Variants in ACBD6 observed in about 807,000 individuals in gnomAD.
ACBD6 encodes acyl-CoA binding domain containing 6, also known as acyl-CoA-binding domain-containing protein 6.
In ACBD6, 28 loss-of-function variants were observed where a neutral mutation model predicts 37.2. That is an observed-to-expected ratio of 0.75 (90% CI 0.56 to 1.03). The LOEUF (loss-of-function observed/expected upper bound fraction) is 1.03. Among genes scored for constraint, ACBD6 ranks in the 50% least tolerant of loss-of-function variants. The pLI, the probability that ACBD6 is intolerant of heterozygous loss-of-function variation, is 0.00. For synonymous variants in ACBD6, 113 were observed against 126.8 expected (o/e 0.89, Z 0.73); for missense variants, 340 against 337.4 (o/e 1.01, Z -0.06).
chr1:180,338,557 C>G (rs1651840040), intron 6 of ACBD6, among the ~76,000 whole-genome samples: 1 of 152,268 alleles, frequency 6.6e-6, no homozygotes, highest in Admixed American at 6.5e-5. Flanking sequence ...AAATGTTAGA[C>G]CTAAAATCAT....
chr1:180,428,620 C>G (rs770209346), intron 4 of ACBD6, among the ~76,000 whole-genome samples: 3 of 152,160 alleles, frequency 2.0e-5, no homozygotes, highest in Non-Finnish European at 4.4e-5. Context: ...TGTAGGGCTG[C>G]TGTGATCAGT....
intron 9 of ACBD6, chr1:180,278,314 G>A (rs981499642): frequency 2.0e-5 from 3 of 147,062 alleles, no homozygotes; most frequent in Non-Finnish European, 4.5e-5. Context: ...CATGCTGAAA[G>A]CTAAATGAAA....
chr1:180,276,197 A>C (rs1649016568), intron 9 of ACBD6: 1 of 152,216 alleles, frequency 6.6e-6, no homozygotes, highest in Non-Finnish European at 1.5e-5. Flanking sequence ...AGAGACCCTA[A>C]GGACCCTTCC....
In ACBD6 at chr1:180,320,688, GT is replaced by G. The variant is rs963699363; in HGVS notation, c.664-5967del. Among the ~76,000 whole-genome samples the G allele has an allele frequency of 9.5e-4, 144 of 151,886 alleles. 1 individual carries two copies. The highest frequency in any genetic ancestry group is 2.2e-3 in the Admixed American group (34 of 15,238). On this transcript the variant is annotated intron_variant, in intron 6 of 7. Transcript: ENST00000367595. Reference sequence around the variant, plus strand: ...AAATAAAATAAAACCAGATTATTAGGTTTTTTTTGCTCCTTCTGGTTATTAA... The same window carrying G: ...AAATAAAATAAAACCAGATTATTAGGTTTTTTTGCTCCTTCTGGTTATTAA...
chr1:180,472,827 G>A (rs1650621771), intron 3 of ACBD6, among the ~76,000 whole-genome samples: 1 of 152,172 alleles, frequency 6.6e-6, no homozygotes, highest in South Asian at 2.1e-4. Flanking sequence ...TTTATGCTAA[G>A]TAATACAGCC....
At chr1:180,448,903 A>G (rs989876157) in intron 3 of ACBD6, among the ~76,000 whole-genome samples, 5 of 152,150 alleles carry the variant, frequency 3.3e-5, no homozygotes, top group African/African-American at 1.2e-4. Flanking sequence ...ATTTTGTTAC[A>G]GATATTGCTC....
chr1:180,498,053 T>C (rs750868125), intron 1 of ACBD6, among the ~76,000 whole-genome samples: 11 of 152,218 alleles, frequency 7.2e-5, no homozygotes, highest in Non-Finnish European at 1.5e-4. Flanking sequence ...ACATAATTTG[T>C]AACATCATTC....
chr1:180,283,604 G>A (rs531462873), downstream of ACBD6, among the ~76,000 whole-genome samples: 1 of 152,284 alleles, frequency 6.6e-6, no homozygotes, highest in African/African-American at 2.4e-5. Flanking sequence ...AAGGAATAGT[G>A]TCCCCAGAAG....
At position 180,492,267 on chromosome 1, in the gene ACBD6, A is replaced by C. The variant is rs776791228; in HGVS notation, c.384+2T>G. 6.2e-7 allele frequency: 1 copy of C among 1,608,318 alleles called. No homozygotes were observed. Among genetic ancestry groups the C allele is most frequent in the Non-Finnish European group, 8.5e-7 (1 of 1,174,792 alleles). ...GTATTATTTATAATCATTAAGTCTTACCTGAGGATTCCAACCTGGATCTAG... is the reference window on the plus strand; with the variant it reads ...GTATTATTTATAATCATTAAGTCTTCCCTGAGGATTCCAACCTGGATCTAG... On this transcript the variant is annotated splice_donor_variant, in intron 3 of 7. Coordinates refer to ENST00000367595, the MANE Select transcript of ACBD6 (RefSeq NM_032360.4). LOFTEE classifies it high-confidence loss of function.
chr1:180,496,388 A>C (rs1651739693), intron 1 of ACBD6, among the ~76,000 whole-genome samples: 1 of 152,140 alleles, frequency 6.6e-6, no homozygotes, highest in Non-Finnish European at 1.5e-5. Context: ...TTCTATTAGA[A>C]TAGAGCCTGT....
In ACBD6 at chr1:180,397,527, T is replaced by C. The variant is rs1333393824; in HGVS notation, c.652A>G (p.Ile218Val). 3 of 1,613,696 alleles carry C rather than the reference T, an allele frequency of 1.9e-6. No homozygotes were observed. Among genetic ancestry groups the C allele is most frequent in the Non-Finnish European group, 2.5e-6 (3 of 1,179,584 alleles). ...VTVLLQHRAD[I>V]NCQDNEGQTA... ...TTTATCACTCTTACCTGACAGTTAATGTCAGCTCTATGTTGCAGCAACACT... is the reference window on the plus strand; with the variant it reads ...TTTATCACTCTTACCTGACAGTTAACGTCAGCTCTATGTTGCAGCAACACT... Residue 218 changes from isoleucine (I) to valine (V), a missense_variant, in exon 6 of 8, where the codon ATT (isoleucine) becomes GTT (valine). By Grantham distance (29) the Ile-to-Val change is conservative (BLOSUM62 3). Transcript: ENST00000367595.
chr1:180,328,923 G>A (rs753042548), intron 6 of ACBD6, among the ~76,000 whole-genome samples: 12 of 152,086 alleles, frequency 7.9e-5, no homozygotes, highest in Non-Finnish European at 1.8e-4. Flanking sequence ...TGTAGATACA[G>A]TAACATCTTA....
At chr1:180,324,660 G>A (rs1354183525) in intron 6 of ACBD6, among the ~76,000 whole-genome samples, 2 of 152,038 alleles carry the variant, frequency 1.3e-5, no homozygotes, top group African/African-American at 2.4e-5. Flanking sequence ...ATAATATTCT[G>A]ATTTGTGTGT....
intron 6 of ACBD6, among the ~76,000 whole-genome samples, chr1:180,375,110 T>G (rs1653387022): frequency 6.6e-6 from 1 of 152,228 alleles, no homozygotes; most frequent in Admixed American, 6.5e-5. Flanking sequence ...ATTATGAAAC[T>G]TCATATTTCA....
At chr1:180,346,626 A>C (rs2101886859) in intron 6 of ACBD6, among the ~76,000 whole-genome samples, 1 of 152,336 alleles carries the variant, frequency 6.6e-6, no homozygotes, top group East Asian at 1.9e-4. Context: ...AAGACTTATG[A>C]AGCCTTGAGC....
intron 6 of ACBD6, among the ~76,000 whole-genome samples, chr1:180,353,441 G>C (rs1571398565): frequency 6.6e-6 from 1 of 152,076 alleles, no homozygotes; most frequent in Non-Finnish European, 1.5e-5. Flanking sequence ...GAAGACAACT[G>C]CAACTCTGAA....
chr1:180,415,575 T>G (rs989365884), intron 4 of ACBD6, among the ~76,000 whole-genome samples: 1 of 152,178 alleles, frequency 6.6e-6, no homozygotes, highest in Non-Finnish European at 1.5e-5. Flanking sequence ...TTTAAAGTCA[T>G]AGCAATACTA....
Position 180,294,703 on chromosome 1 carries a change from T to A in ACBD6, c.695-6186A>T, listed in dbSNP as rs902120595. Among the ~76,000 whole-genome samples the A allele has an allele frequency of 2.7e-5, 4 of 150,202 alleles. No homozygotes were observed. In the East Asian group the frequency reaches 7.8e-4, roughly 29 times the overall value. ...CTGAAACTGGTAATTTGCCTTTTGTTTTTTTTTTTGGTGTCACATCTCACT... is the reference window on the plus strand; with the variant it reads ...CTGAAACTGGTAATTTGCCTTTTGTATTTTTTTTTGGTGTCACATCTCACT... On this transcript the variant is annotated intron_variant, in intron 7 of 7. Coordinates refer to ENST00000367595, the MANE Select transcript of ACBD6 (RefSeq NM_032360.4).
chr1:180,421,462 T>C (rs1331246574), intron 4 of ACBD6, among the ~76,000 whole-genome samples: 1 of 152,194 alleles, frequency 6.6e-6, no homozygotes, highest in Non-Finnish European at 1.5e-5. Context: ...GATGAACATA[T>C]GCATGCACGT....
Sources: gnomAD v4.1 joint callset for allele counts (sites outside exome capture counted in the v4.1 genomes callset) on GRCh38, gnomAD v4.1.1 for gene constraint, MANE v1.5 for transcripts, NCBI Gene and HGNC (gene_info 2026-07-23, HGNC 2026-07-21) for gene names.